Variants in YES1 observed in about 807,000 individuals in gnomAD.
YES1 encodes the protein tyrosine-protein kinase Yes.
In YES1, 39 loss-of-function variants were observed where a neutral mutation model predicts 70.4. The ratio of observed to expected loss-of-function variants is 0.55; its 90% CI spans 0.43 to 0.72. The LOEUF (loss-of-function observed/expected upper bound fraction) is 0.72, where lower values mean the gene tolerates loss of function less well. Among genes scored for constraint, YES1 ranks in the 30% least tolerant of loss-of-function variants. The pLI is 0.00. For missense variants in YES1, 495 were observed against 644.8 expected (o/e 0.77, Z 2.52); for synonymous variants, 198 against 218.6 (o/e 0.91, Z 0.83).
chr18:756,389 C>T (rs1463148957), intron 2 of YES1, among the ~76,000 whole-genome samples, 168 bp downstream of exon 2: 1 of 152,032 alleles, frequency 6.6e-6, no homozygotes, highest in Non-Finnish European at 1.5e-5. Flanking sequence ...AGAACCATAC[C>T]CATGTATACA....
chr18:807,555 A>G (rs1327549643), intron 1 of YES1, among the ~76,000 whole-genome samples: 1 of 152,204 alleles, frequency 6.6e-6, no homozygotes, highest in East Asian at 1.9e-4. Flanking sequence ...TTTGCTTGGC[A>G]TATTTATAAG....
chr18:726,945 C>A (rs2080028135), intron 11 of YES1, among the ~76,000 whole-genome samples: 1 of 152,046 alleles, frequency 6.6e-6, no homozygotes, highest in African/African-American at 2.4e-5. Context: ...AATGGACAAT[C>A]TGCTGTAAGA....
chr18:749,120 C>T (rs868179026), intron 3 of YES1, among the ~76,000 whole-genome samples: 22 of 152,066 alleles, frequency 1.4e-4, no homozygotes, highest in Admixed American at 5.9e-4. Flanking sequence ...GAGATCATGC[C>T]ACTGGACTCC....
At chr18:799,066 C>G (rs891723846) in intron 1 of YES1, among the ~76,000 whole-genome samples, 1 of 152,098 alleles carries the variant, frequency 6.6e-6, no homozygotes, top group African/African-American at 2.4e-5. Context: ...TGTGTTAGTC[C>G]GTTGGACTAA....
intron 1 of YES1, among the ~76,000 whole-genome samples, chr18:777,500 T>C (rs964741077): frequency 6.6e-6 from 1 of 152,200 alleles, no homozygotes; most frequent in African/African-American, 2.4e-5. Flanking sequence ...TGTTAGGTGG[T>C]CATCTATCAG....
intron 1 of YES1, among the ~76,000 whole-genome samples, chr18:791,036 G>A (rs1210702087): frequency 6.6e-6 from 1 of 152,080 alleles, no homozygotes. Flanking sequence ...GATCATCTGG[G>A]GTCAAGAGTT....
intron 1 of YES1, among the ~76,000 whole-genome samples, chr18:781,377 G>A (rs1205916698): frequency 6.6e-6 from 1 of 151,314 alleles, no homozygotes; most frequent in Non-Finnish European, 1.5e-5. Context: ...TTTCATAAAC[G>A]CTTGGCACAA....
chr18:756,284 G>GT (rs926147078), intron 2 of YES1, among the ~76,000 whole-genome samples: 5 of 150,484 alleles, frequency 3.3e-5, no homozygotes, highest in Non-Finnish European at 5.9e-5. Context: ...GCCTACAGTG[G>GT]GGGGGGGCTC....
intron 1 of YES1, among the ~76,000 whole-genome samples, chr18:789,254 T>G (rs1407019691): frequency 1.3e-5 from 2 of 152,090 alleles, no homozygotes; most frequent in African/African-American, 4.8e-5. Flanking sequence ...CCCAATACAC[T>G]TATGTCAAAG....
At chr18:782,932 T>A (rs1365924928) in intron 1 of YES1, among the ~76,000 whole-genome samples, 1 of 152,222 alleles carries the variant, frequency 6.6e-6, no homozygotes. Context: ...TCCACCTGTC[T>A]TGGCCTCCCG....
In YES1 at chr18:779,971, C is replaced by A. The variant is rs538642792; in HGVS notation, c.-8-23136G>T. ...TAAAGAGGCTGGGTGCAGTGGCTCACGCCTGTAATCCCAGCACTTTGGGAG... is the reference window on the plus strand; with the variant it reads ...TAAAGAGGCTGGGTGCAGTGGCTCAAGCCTGTAATCCCAGCACTTTGGGAG... On this transcript the variant is annotated intron_variant, in intron 1 of 11. Transcript: ENST00000314574. Among the ~76,000 whole-genome samples, 180 of 151,108 alleles carry A rather than the reference C, an allele frequency of 1.2e-3. 1 individual carries two copies. Among genetic ancestry groups the A allele is most frequent in the African/African-American group, 3.7e-3 (153 of 41,080 alleles).
intron 8 of YES1, among the ~76,000 whole-genome samples, chr18:741,821 A>G (rs971067813): frequency 6.6e-6 from 1 of 152,058 alleles, no homozygotes; most frequent in Non-Finnish European, 1.5e-5. Context: ...CAACAAACAA[A>G]CAAGCAAACA....
chr18:794,658 C>A (rs1906446384), intron 1 of YES1, among the ~76,000 whole-genome samples: 1 of 152,178 alleles, frequency 6.6e-6, no homozygotes, highest in African/African-American at 2.4e-5. Context: ...CTCCCCCTGA[C>A]ACTCTGGATA....
chr18:802,492 G>T (rs558441423), intron 1 of YES1, among the ~76,000 whole-genome samples: 1 of 149,744 alleles, frequency 6.7e-6, no homozygotes, highest in Non-Finnish European at 1.5e-5. Flanking sequence ...TGCAGTGAGC[G>T]GAGACCACAC....
intron 11 of YES1, among the ~76,000 whole-genome samples, chr18:725,195 T>A (rs1598881101): frequency 2.0e-5 from 3 of 152,042 alleles, no homozygotes; most frequent in South Asian, 4.2e-4. Flanking sequence ...CTCAACCCCC[T>A]GATCAGCAGT....
intron 1 of YES1, among the ~76,000 whole-genome samples, chr18:786,903 C>T (rs901105462): frequency 6.6e-6 from 1 of 151,884 alleles, no homozygotes; most frequent in Non-Finnish European, 1.5e-5. Context: ...TTTAAAAAAG[C>T]TCATAGGAAC....
chr18:737,885 ATGTT>A (rs990833158), intron 9 of YES1, among the ~76,000 whole-genome samples: 4 of 152,028 alleles, frequency 2.6e-5, no homozygotes, highest in Non-Finnish European at 5.9e-5. Context: ...CACCCAGCTA[ATGTT>A]TGTATTTTTT....
chr18:743,625 A>G (rs981469756), intron 6 of YES1, among the ~76,000 whole-genome samples: 2 of 152,170 alleles, frequency 1.3e-5, no homozygotes, highest in African/African-American at 4.8e-5. Context: ...TTTATTTTTA[A>G]GGCCGGGCAA....
At chr18:754,521 C>A (rs550829331) in intron 2 of YES1, among the ~76,000 whole-genome samples, 3 of 152,028 alleles carry the variant, frequency 2.0e-5, no homozygotes, top group African/African-American at 7.2e-5. Context: ...GCCTGGCCAA[C>A]GTGGTGAAAC....
Sources: allele counts gnomAD v4.1 joint callset (sites outside exome capture counted in the v4.1 genomes callset), GRCh38; gene constraint gnomAD v4.1.1; transcripts MANE v1.5; gene names NCBI Gene and HGNC (gene_info 2026-07-23, HGNC 2026-07-21).